The following COL4A2 variants were observed in gnomAD, a reference collection of about 807,000 sequenced individuals.
COL4A2 encodes the protein collagen type IV alpha 2 chain, also known as collagen alpha-2(IV) chain.
COL4A2 carries 99 observed loss-of-function variants against 200.2 expected under a neutral mutation model. That is an observed-to-expected ratio of 0.49 (90% CI 0.42 to 0.58). The LOEUF (loss-of-function observed/expected upper bound fraction) is 0.58, where lower values mean the gene tolerates loss of function less well. Among genes scored for constraint, COL4A2 ranks in the 20% least tolerant of loss-of-function variants. COL4A2 has a pLI of 0.00. For synonymous variants in COL4A2, 897 were observed against 900.6 expected, an observed-to-expected ratio of 1.00 and a Z score of 0.07; for missense variants, 1,950 against 2,314.1, an observed-to-expected ratio of 0.84 and a Z score of 3.23.
At position 110,503,951 on chromosome 13, in the gene COL4A2, G is replaced by A; in HGVS notation, c.4243G>A (p.Ala1415Thr). 1 of 1,572,356 alleles carries A rather than the reference G, an allele frequency of 6.4e-7. No homozygotes were observed. Among genetic ancestry groups the A allele is most frequent in the Non-Finnish European group, 8.6e-7 (1 of 1,157,228 alleles). The change falls in exon 44 of 48, where the codon GCA becomes ACA. Residue 1415 changes from alanine (A) to threonine (T), a missense_variant. Around this residue, in one of 2 missense-constraint regions of COL4A2, gnomAD observed 1,385 missense variants for 1,720.5 expected, o/e 0.80. Transcript: ENST00000360467. ...GPQGRRGPPGAPGEMGPQGPP... is the reference protein window; with the variant it reads ...GPQGRRGPPGTPGEMGPQGPP... ...CCAGGGGAGGCGAGGCCCCCCTGGG[G>A]CACCGGGGGAGATGGGGCCCCAGGG...
At chr13:110,501,129 T>C (rs1883623397) in intron 40 of COL4A2, among the ~76,000 whole-genome samples, 2 of 152,176 alleles carry the variant, frequency 1.3e-5, no homozygotes, top group African/African-American at 4.8e-5. Context: ...AAGTGAGTTT[T>C]AGTGAGTGGA....
chr13:110,328,840 T>A (rs1461903445), intron 3 of COL4A2, among the ~76,000 whole-genome samples: 1 of 152,206 alleles, frequency 6.6e-6, no homozygotes, highest in Non-Finnish European at 1.5e-5. Flanking sequence ...CTTGATAAAC[T>A]CATGCTGTCA....
intron 3 of COL4A2, among the ~76,000 whole-genome samples, chr13:110,335,306 G>A (rs1465551348): frequency 6.6e-6 from 1 of 152,278 alleles, no homozygotes; most frequent in East Asian, 1.9e-4. Flanking sequence ...TTGAATTGTA[G>A]CTCCCATAAT....
chr13:110,509,582 G>A (rs1884018217), intron 47 of COL4A2, among the ~76,000 whole-genome samples: 1 of 151,886 alleles, frequency 6.6e-6, no homozygotes, highest in Non-Finnish European at 1.5e-5. Flanking sequence ...GGTTGCTCCT[G>A]TTTTTTTCAC....
chr13:110,505,447 A>G (rs185874020), intron 45 of COL4A2, among the ~76,000 whole-genome samples: 265 of 152,298 alleles, frequency 1.7e-3, no homozygotes, highest in African/African-American at 5.0e-3. Context: ...CGCAGCCGGC[A>G]AATTATGGGT....
At chr13:110,391,342 T>G (rs765727037) in intron 4 of COL4A2, among the ~76,000 whole-genome samples, 3 of 152,246 alleles carry the variant, frequency 2.0e-5, no homozygotes, top group Non-Finnish European at 4.4e-5. Flanking sequence ...AAATGGTGAC[T>G]ATCAGAAAAC....
Position 110,512,239 on chromosome 13 carries a change from T to C in COL4A2, c.*48T>C, listed in dbSNP as rs556795453. On this transcript the variant is annotated 3_prime_UTR_variant, in exon 48 of 48. Transcript: ENST00000360467. ...CATTTTGGTGCTTATTCTTAACTTA[T>C]TACCTCAGGTGCCAACCCAAAAATT... is the stretch of plus-strand genomic sequence containing the variant. The C allele has an allele frequency of 2.5e-5, 38 of 1,549,942 alleles. No homozygotes were observed. The highest frequency in any genetic ancestry group is 1.3e-4 in the South Asian group (11 of 83,882).
intron 28 of COL4A2, 49 bp downstream of exon 28, chr13:110,469,373 C>A (rs1399049829): frequency 9.2e-6 from 14 of 1,524,716 alleles, no homozygotes; most frequent in Non-Finnish European, 1.2e-5. Flanking sequence ...CAGCGGGAAC[C>A]TGTGTGTGAT....
At chr13:110,341,175 C>G (rs1287409892) in intron 3 of COL4A2, 1 of 152,388 alleles carries the variant, frequency 6.6e-6, no homozygotes, top group Non-Finnish European at 1.5e-5. Context: ...CGCATCAGAA[C>G]CCCATTTTAA....
intron 3 of COL4A2, among the ~76,000 whole-genome samples, chr13:110,349,850 A>C (rs1259101906): frequency 2.0e-5 from 3 of 151,548 alleles, no homozygotes; most frequent in African/African-American, 7.3e-5. Flanking sequence ...TAAAACCTCC[A>C]CTTCTCGGGT....
At chr13:110,463,749 T>C (rs1244301353) in intron 24 of COL4A2, among the ~76,000 whole-genome samples, 10 of 152,212 alleles carry the variant, frequency 6.6e-5, no homozygotes, top group Non-Finnish European at 1.3e-4. Context: ...TTGCCCATGC[T>C]GGTCTCAAAC....
At chr13:110,476,866 C>G (rs1444857686) in intron 29 of COL4A2, among the ~76,000 whole-genome samples, 1 of 152,216 alleles carries the variant, frequency 6.6e-6, no homozygotes, top group African/African-American at 2.4e-5. Context: ...AGAAATCACA[C>G]ATGTGCACAC....
chr13:110,495,266 G>T, intron 39 of COL4A2, 76 bp from the exon 40 acceptor site: 1 of 1,581,058 alleles, frequency 6.3e-7, no homozygotes. Context: ...GGCACCCCAA[G>T]CTGTTCTTTC....
At chr13:110,444,192 A>G (rs1442340271) in intron 16 of COL4A2, among the ~76,000 whole-genome samples, 1 of 152,226 alleles carries the variant, frequency 6.6e-6, no homozygotes, top group African/African-American at 2.4e-5. Flanking sequence ...CAAAGTGCCC[A>G]TGCTGTCTTG....
At chr13:110,423,367 G>A (rs533916812) in intron 4 of COL4A2, among the ~76,000 whole-genome samples, 24 of 151,530 alleles carry the variant, frequency 1.6e-4, no homozygotes, top group Admixed American at 5.9e-4. Context: ...ATATGTCCTC[G>A]CTTATGAGTG....
At chr13:110,361,741 A>G (rs141884745) in intron 4 of COL4A2, among the ~76,000 whole-genome samples, 47 of 152,306 alleles carry the variant, frequency 3.1e-4, no homozygotes, top group African/African-American at 1.1e-3. Context: ...CTTCACCCAG[A>G]CAGAACCACC....
intron 3 of COL4A2, among the ~76,000 whole-genome samples, chr13:110,313,996 A>G (rs1885065965): frequency 1.3e-5 from 2 of 152,164 alleles, no homozygotes; most frequent in East Asian, 1.9e-4. Context: ...GCTTTTTTGT[A>G]AAACCGGCTC....
chr13:110,430,370 A>G (rs754507343), intron 8 of COL4A2, 31 bp from the exon 9 acceptor site: 2 of 1,604,342 alleles, frequency 1.2e-6, no homozygotes, highest in South Asian at 1.1e-5. Context: ...GTTAAAAGCT[A>G]TCACTCTTAA....
intron 3 of COL4A2, among the ~76,000 whole-genome samples, chr13:110,324,110 T>A (rs1290774425): frequency 8.3e-6 from 1 of 120,148 alleles, no homozygotes; most frequent in African/African-American, 2.8e-5. Flanking sequence ...ATAGCATGGT[T>A]TTTTTTTTTC....
Sources: gnomAD v4.1 joint callset for allele counts (sites outside exome capture counted in the v4.1 genomes callset) on GRCh38, gnomAD v4.1.1 for gene constraint, gnomAD v4.1.1 regional missense constraint, MANE v1.5 for transcripts, NCBI Gene and HGNC (gene_info 2026-07-23, HGNC 2026-07-21) for gene names.